Variants in MEX3B observed in about 807,000 individuals in gnomAD.
The protein encoded by MEX3B is mex-3 RNA binding family member B.
A neutral mutation model predicts 12.2 loss-of-function variants in MEX3B; 10 were observed. That is an observed-to-expected ratio of 0.82 (90% CI 0.51 to 1.40). The LOEUF (loss-of-function observed/expected upper bound fraction) is 1.40, where lower values mean the gene tolerates loss of function less well. MEX3B is among the 40% of genes most tolerant of loss of function. MEX3B has a pLI of 0.00. For missense variants in MEX3B, 839 were observed against 801.4 expected, an observed-to-expected ratio of 1.05 and a Z score of -0.57; for synonymous variants, 498 against 356.3, an observed-to-expected ratio of 1.40 and a Z score of -4.48.
intron 1 of MEX3B, chr15:82,045,080 C>A: frequency 1.7e-6 from 1 of 597,822 alleles, no homozygotes; most frequent in Non-Finnish European, 3.0e-6. Context: ...TTGCAGAAAT[C>A]CAGAATCCTC....
intron 1 of MEX3B, 35 bp downstream of exon 1, chr15:82,045,415 A>ACCCCCACCCCCCT: frequency 6.5e-7 from 1 of 1,530,528 alleles, no homozygotes; most frequent in Non-Finnish European, 8.9e-7. Context: ...ACCCTACACC[A>ACCCCCACCCCCCT]CCCCCACCCA....
chr15:82,043,113 G>C lies in MEX3B; in HGVS notation c.*47C>G. 2.1e-6 allele frequency: 3 copies of C among 1,433,954 alleles called. No individual in the cohort carries two copies. Among genetic ancestry groups the C allele is most frequent in the Non-Finnish European group, 2.7e-6 (3 of 1,094,712 alleles). The allele number at this position is 1,433,954 out of a possible 1,614,324, so 88.8% of individuals were successfully genotyped here. A position where few individuals can be genotyped will look rare whatever the true frequency, so the allele number is the denominator to read the frequency against. On this transcript the variant is annotated 3_prime_UTR_variant, in exon 2 of 2. Transcript: ENST00000329713. ...CGCTGGGGAAAGAGGGTGGGGAGGG[G>C]TTCCCCCTTCCCCCAGCACGGTGCG...
Position 82,044,905 on chromosome 15 carries a change from G to T in MEX3B, c.257-292C>A. 1.7e-6 allele frequency: 1 copy of T among 578,402 alleles called. No individual in the cohort carries two copies. The highest frequency in any genetic ancestry group is 3.1e-6 in the Non-Finnish European group (1 of 324,458). The allele number at this position is 578,402 out of a possible 1,614,324, so 35.8% of individuals were successfully genotyped here. ...GAATCCCAGAAAAGTCATCTGGGGA[G>T]ATGCCGCTGGGATCCAGCTGGGCGC... On this transcript the variant is annotated intron_variant, in intron 1 of 1. Transcript: ENST00000329713. This position sits in a 1 kb window ranked among gnomAD's most constrained non-coding sequence, Gnocchi z 5.3.
chr15:82,043,605 G>A lies in MEX3B; in HGVS notation c.1265C>T (p.Ala422Val), dbSNP rs2141169532. ...GCGGTGCACCAATAGCCCCAGGTTGGCGTTGGAGGGCGCACTGGCGCCACC... is the reference window on the plus strand; with the variant it reads ...GCGGTGCACCAATAGCCCCAGGTTGACGTTGGAGGGCGCACTGGCGCCACC... ...PGGGASAPSN[A>V]NLGLLVHRRL... The change falls in exon 2 of 2, where the codon GCC becomes GTC. Residue 422 changes from alanine (A) to valine (V), a missense_variant. Coordinates refer to ENST00000329713, the MANE Select transcript of MEX3B (RefSeq NM_032246.6). The A allele has an allele frequency of 6.3e-7, 1 of 1,591,924 alleles. No homozygotes were observed. The highest frequency in any genetic ancestry group is 8.5e-7 in the Non-Finnish European group (1 of 1,170,086).
In MEX3B at chr15:82,045,685, T is replaced by A; in HGVS notation, c.21A>T (p.Ala7=). MPSSLF[A]DLERNGSGGG... is the part of the protein sequence containing the mutation. ...CGCCGCTGCCGTTGCGCTCCAGGTCTGCGAACAGCGAGCTGGGCATCGCTC... is the reference window on the plus strand; with the variant it reads ...CGCCGCTGCCGTTGCGCTCCAGGTCAGCGAACAGCGAGCTGGGCATCGCTC... The change falls in exon 1 of 2, where the codon GCA becomes GCT. Residue 7 remains alanine (A), a synonymous_variant. Coordinates refer to ENST00000329713, the MANE Select transcript of MEX3B (RefSeq NM_032246.6). The A allele has an allele frequency of 6.5e-7, 1 of 1,531,542 alleles. No homozygotes were observed. Among genetic ancestry groups the A allele is most frequent in the Non-Finnish European group, 8.7e-7 (1 of 1,142,986 alleles). 94.9% of individuals were successfully genotyped at this position (1,531,542 alleles called of 1,614,324 possible).
chr15:82,044,402 G>A lies in MEX3B; in HGVS notation c.468C>T (p.Asn156=). ...ALNGAVPGPP[N]LPGQTTIQVR... is the part of the protein sequence containing the mutation. ...CTTGGATGGTGGTCTGCCCGGGCAG[G>A]TTGGGCGGCCCAGGCACCGCGCCGT... Residue 156 remains asparagine (N), a synonymous_variant, in exon 2 of 2, where the codon AAC becomes AAT. Transcript: ENST00000329713. The surrounding 1 kb of genome is among the most constrained non-coding windows in gnomAD (Gnocchi z 5.3). The A allele has an allele frequency of 6.2e-6, 10 of 1,611,506 alleles. No homozygotes were observed. Among genetic ancestry groups the A allele is most frequent in the East Asian group, 2.2e-5 (1 of 44,840 alleles).
chr15:82,045,419 C>G (rs769414329), intron 1 of MEX3B, 31 bp downstream of exon 1: 2 of 1,572,794 alleles, frequency 1.3e-6, no homozygotes, highest in South Asian at 1.1e-5. Flanking sequence ...TACACCACCC[C>G]CACCCACCTC....
rs1760883549 is a variant in MEX3B, at chr15:82,045,470, G to C, written c.236C>G (p.Ala79Gly). The change falls in exon 1 of 2, where the codon GCC becomes GGC. Residue 79 changes from alanine (A) to glycine (G), a missense_variant. Around this residue, in one of 3 missense-constraint regions of MEX3B, gnomAD observed 214 missense variants for 223.8 expected, o/e 0.96. Transcript: ENST00000329713. ...CCTACCTTGCCGCCCCACGATCTCG[G>C]CGACATGCTCAGAACTGGGTACTGG... ...CVPVPSSEHV[A>G]EIVGRQGCKI... The C allele has an allele frequency of 6.2e-7, 1 of 1,611,780 alleles. No individual in the cohort carries two copies. Among genetic ancestry groups the C allele is most frequent in the South Asian group, 1.1e-5 (1 of 90,870 alleles).
rs2073245808 is a variant in MEX3B, at chr15:82,044,731, G to A, written c.257-118C>T. 5.1e-6 allele frequency: 5 copies of A among 982,220 alleles called. No homozygotes were observed. In the East Asian group the frequency reaches 1.0e-4, roughly 20 times the overall value. The allele number at this position is 982,220 out of a possible 1,614,324, so 60.8% of individuals were successfully genotyped here. On this transcript the variant is annotated intron_variant, in intron 1 of 1. Transcript: ENST00000329713. The surrounding 1 kb of genome is among the most constrained non-coding windows in gnomAD (Gnocchi z 5.3). ...CCAGGACAGCGAGACGGCAGGACAA[G>A]AGATGGGCGGAAAGGGGGCGTCTCC...
Position 82,045,500 on chromosome 15 carries a change from C to T in MEX3B, c.206G>A (p.Cys69Tyr). 6.2e-7 allele frequency: 1 copy of T among 1,612,944 alleles called. No homozygotes were observed. Among genetic ancestry groups the T allele is most frequent in the Non-Finnish European group, 8.5e-7 (1 of 1,179,922 alleles). ...PRKKSVNMTE[C>Y]VPVPSSEHVA... ...ATGCTCAGAACTGGGTACTGGCACG[C>T]ACTCGGTCATGTTCACGCTCTTCTT... The change falls in exon 1 of 2, where the codon TGC becomes TAC. Residue 69 changes from cysteine to tyrosine, a missense_variant. Coordinates refer to ENST00000329713, the MANE Select transcript of MEX3B (RefSeq NM_032246.6).
Position 82,044,448 on chromosome 15 carries a change from C to G in MEX3B, c.422G>C (p.Arg141Pro). ...GCCGTTGAGTGCCGTGTTCTTATTC[C>G]GGGAGGCGCGGATCATGGAGAAGTG... ...AEHFSMIRAS[R>P]NKNTALNGAV... Residue 141 changes from arginine to proline, a missense_variant, in exon 2 of 2, where the codon CGG becomes CCG. By Grantham distance (103) the Arg-to-Pro change is moderately radical (BLOSUM62 -2). Coordinates refer to ENST00000329713, the MANE Select transcript of MEX3B (RefSeq NM_032246.6). This position sits in a 1 kb window ranked among gnomAD's most constrained non-coding sequence, Gnocchi z 5.3. The G allele has an allele frequency of 6.2e-7, 1 of 1,613,236 alleles. No homozygotes were observed. The highest frequency in any genetic ancestry group is 8.5e-7 in the Non-Finnish European group (1 of 1,179,976).
chr15:82,044,617 C>T lies in MEX3B; in HGVS notation c.257-4G>A, dbSNP rs1300644388. On this transcript the variant is annotated splice_region_variant and splice_polypyrimidine_tract_variant and intron_variant, in intron 1 of 1. Coordinates refer to ENST00000329713, the MANE Select transcript of MEX3B (RefSeq NM_032246.6). This position sits in a 1 kb window ranked among gnomAD's most constrained non-coding sequence, Gnocchi z 5.3. ...CGCAGCGCTTTGATTTTACAACCTA[C>T]GAACCAGGGTGCGGAGGAGGGAGTG... The T allele has an allele frequency of 3.7e-6, 6 of 1,614,094 alleles. No homozygotes were observed. The highest frequency in any genetic ancestry group is 5.1e-6 in the Non-Finnish European group (6 of 1,180,016).
In MEX3B at chr15:82,043,139, C is replaced by A. The variant is rs764967897; in HGVS notation, c.*21G>T. The stretch of plus-strand genomic sequence containing the variant: ...TTCCCCCTTCCCCCAGCACGGTGCG[C>A]ACTAGCAGCGCCCGCTGCCTTTAAG... On this transcript the variant is annotated 3_prime_UTR_variant, in exon 2 of 2. Transcript: ENST00000329713. The A allele has an allele frequency of 6.6e-7, 1 of 1,516,306 alleles. No individual in the cohort carries two copies. The highest frequency in any genetic ancestry group is 8.8e-7 in the Non-Finnish European group (1 of 1,133,090). 93.9% of individuals were successfully genotyped at this position (1,516,306 alleles called of 1,614,324 possible).
At position 82,045,828 on chromosome 15, in the gene MEX3B, C is replaced by G. The variant is rs2073255310; in HGVS notation, c.-123G>C. On this transcript the variant is annotated 5_prime_UTR_variant, in exon 1 of 2. Coordinates refer to ENST00000329713, the MANE Select transcript of MEX3B (RefSeq NM_032246.6). ...GAGGCCGGTCGCCTGCTGAGGGCTCCGTTGCTTCTTCCTCGGTGCTGGGAG... is the reference window on the plus strand; with the variant it reads ...GAGGCCGGTCGCCTGCTGAGGGCTCGGTTGCTTCTTCCTCGGTGCTGGGAG... 2 of 1,105,970 alleles carry G rather than the reference C, an allele frequency of 1.8e-6. No homozygotes were observed. Among genetic ancestry groups the G allele is most frequent in the Admixed American group, 8.6e-5 (2 of 23,354 alleles). 68.5% of individuals were successfully genotyped at this position (1,105,970 alleles called of 1,614,324 possible).
At chr15:82,045,148 C>T (rs2073248683) in intron 1 of MEX3B, 13 of 608,458 alleles carry the variant, frequency 2.1e-5, no homozygotes, top group Admixed American at 1.1e-4. Flanking sequence ...ATCAAAGGCC[C>T]CCTCCCCCAA....
chr15:82,043,755 C>A lies in MEX3B; in HGVS notation c.1115G>T (p.Gly372Val). The part of the protein sequence containing the change: ...TFDPAPAPPP[G>V]APLIWAQFER... ...GAACTGGGCCCAGATAAGTGGTGCC[C>A]CAGGTGGGGGAGCGGGAGCCGGGTC... The change falls in exon 2 of 2, where the codon GGG (glycine) becomes GTG (valine). Residue 372 changes from glycine to valine, a missense_variant. By Grantham distance (109) the Gly-to-Val change is moderately radical. Coordinates refer to ENST00000329713, the MANE Select transcript of MEX3B (RefSeq NM_032246.6). 1 of 1,570,270 alleles carries A rather than the reference C, an allele frequency of 6.4e-7. No homozygotes were observed. The highest frequency in any genetic ancestry group is 8.6e-7 in the Non-Finnish European group (1 of 1,159,670).
rs1567017655 is a variant in MEX3B at position 82,044,650 on chromosome 15, GAGAC to G, written c.257-41_257-38del. Reference sequence around the variant, plus strand: ...GGTGCGGAGGAGGGAGTGGGAGAGAGAGACAGACACGCCCATTATCCTGGGGTAA... The same window carrying G: ...GGTGCGGAGGAGGGAGTGGGAGAGAGAGACACGCCCATTATCCTGGGGTAA... On this transcript the variant is annotated intron_variant, in intron 1 of 1. Transcript: ENST00000329713. The surrounding 1 kb of genome is among the most constrained non-coding windows in gnomAD (Gnocchi z 5.3). 1.2e-6 allele frequency: 2 copies of G among 1,605,084 alleles called. No homozygotes were observed. The highest frequency in any genetic ancestry group is 1.7e-6 in the Non-Finnish European group (2 of 1,172,532).
rs2073232150 is a variant in MEX3B at position 82,043,367 on chromosome 15, G to A, written c.1503C>T (p.Ser501=). The A allele has an allele frequency of 1.3e-6, 2 of 1,590,628 alleles. No individual in the cohort carries two copies. Among genetic ancestry groups the A allele is most frequent in the African/African-American group, 2.7e-5 (2 of 74,406 alleles). ...SGSSSSSSSS[S]SSSSSSSGLR... ...GCCCGGAGGAAGAGGATGAAGAGCT[G>A]GAGGAGGAGCTGGACGAAGAGGAGG... The change falls in exon 2 of 2, where the codon TCC becomes TCT. Residue 501 remains serine, a synonymous_variant. Transcript: ENST00000329713.
chr15:82,045,449 C>T lies in MEX3B; in HGVS notation c.256+1G>A. 7.3e-7 allele frequency: 1 copy of T among 1,372,318 alleles called. No homozygotes were observed. The highest frequency in any genetic ancestry group is 1.0e-6 in the Non-Finnish European group (1 of 982,452). The allele number at this position is 1,372,318 out of a possible 1,614,324, so 85.0% of individuals were successfully genotyped here. On this transcript the variant is annotated splice_donor_variant, in intron 1 of 1. Transcript: ENST00000329713. LOFTEE classifies it high-confidence loss of function. ...CACCTCCCCATCCCTCCTCGACCTA[C>T]CTTGCCGCCCCACGATCTCGGCGAC... is the stretch of plus-strand genomic sequence containing the variant.
Sources: allele counts gnomAD v4.1 joint callset, GRCh38; gene constraint gnomAD v4.1.1; regional missense constraint gnomAD v4.1.1; non-coding constraint Gnocchi (gnomAD v3.1); transcripts MANE v1.5; gene names NCBI Gene and HGNC (gene_info 2026-07-23, HGNC 2026-07-21).